The following GPC5 variants were observed in gnomAD, a reference collection of about 807,000 sequenced individuals.
The protein encoded by GPC5 is glypican 5.
Under a neutral mutation model 53.9 loss-of-function variants are expected in GPC5, and 47 were observed. The observed-to-expected ratio is 0.87, with a 90% confidence interval of 0.69 to 1.11. The LOEUF (loss-of-function observed/expected upper bound fraction) is 1.11. GPC5 is among the 50% of genes most tolerant of loss of function. GPC5 has a pLI of 0.00. For synonymous variants in GPC5, 286 were observed against 263.3 expected (o/e 1.09, Z -0.84); for missense variants, 748 against 713.1 (o/e 1.05, Z -0.56).
chr13:91,409,464 A>G (rs955339358), intron 1 of GPC5, among the ~76,000 whole-genome samples: 10 of 152,210 alleles, frequency 6.6e-5, no homozygotes, highest in African/African-American at 2.2e-4. Flanking sequence ...TCTTCCTTTG[A>G]TAAGTTCAGA....
intron 2 of GPC5, among the ~76,000 whole-genome samples, chr13:91,681,823 ATTAG>A (rs1205529977): frequency 1.3e-5 from 2 of 152,172 alleles, no homozygotes; most frequent in Admixed American, 1.3e-4. Flanking sequence ...TATTTATAAT[ATTAG>A]TTAATTTTTG....
chr13:91,712,610 T>C (rs1025981475), intron 3 of GPC5, among the ~76,000 whole-genome samples: 1 of 152,124 alleles, frequency 6.6e-6, no homozygotes, highest in Non-Finnish European at 1.5e-5. Context: ...TCATTCACAT[T>C]GGAAAATCCG....
intron 7 of GPC5, among the ~76,000 whole-genome samples, chr13:92,264,878 C>CTGTGTG (rs71815584): frequency 0.012 from 1,228 of 104,730 alleles, 13 homozygotes; most frequent in South Asian, 0.029. Context: ...CTCTCTCTCT[C>CTGTGTG]TGTGTGTGTG....
intron 7 of GPC5, among the ~76,000 whole-genome samples, chr13:92,791,473 C>T (rs1211303424): frequency 6.6e-6 from 1 of 150,992 alleles, no homozygotes; most frequent in Non-Finnish European, 1.5e-5. Context: ...AAAGGAGGGA[C>T]AATAGTAGTC....
chr13:92,238,658 C>T (rs144980693), intron 7 of GPC5, among the ~76,000 whole-genome samples: 1 of 151,982 alleles, frequency 6.6e-6, no homozygotes, highest in Non-Finnish European at 1.5e-5. Flanking sequence ...GGTTAACTTA[C>T]ACAAGTCCGT....
chr13:92,439,517 A>G (rs1174205911), intron 7 of GPC5, among the ~76,000 whole-genome samples: 1 of 152,176 alleles, frequency 6.6e-6, no homozygotes, highest in Non-Finnish European at 1.5e-5. Context: ...GAGTTGGAGG[A>G]ACATTCCAAA....
At chr13:91,901,425 A>G (rs191355381) in intron 5 of GPC5, among the ~76,000 whole-genome samples, 394 of 152,208 alleles carry the variant, frequency 2.6e-3, no homozygotes, top group African/African-American at 9.2e-3. Context: ...CATGAAAGGT[A>G]GTCCCATAAA....
At chr13:92,139,494 C>T (rs559461164) in intron 6 of GPC5, among the ~76,000 whole-genome samples, 17 of 151,838 alleles carry the variant, frequency 1.1e-4, no homozygotes, top group Admixed American at 4.6e-4. Flanking sequence ...GGTGAAACCC[C>T]GTGTCTACTA....
Position 91,957,649 on chromosome 13 carries a change from G to A in GPC5, c.1401+49592G>A, listed in dbSNP as rs1238287713. 5.9e-5 allele frequency among the ~76,000 whole-genome samples: 9 copies of A among 152,162 alleles called. No homozygotes were observed. The South Asian group carries it at 1.9e-3, about 32-fold the overall frequency. On this transcript the variant is annotated intron_variant, in intron 6 of 7. Coordinates refer to ENST00000377067, the MANE Select transcript of GPC5 (RefSeq NM_004466.6). ...GTCAGGAGAGAATGGGATGATATAT[G>A]CAAAGTGATGAAAGAAAAAACTATC...
intron 7 of GPC5, among the ~76,000 whole-genome samples, chr13:92,488,575 T>A (rs979448549): frequency 9.2e-5 from 14 of 152,340 alleles, no homozygotes; most frequent in African/African-American, 3.4e-4. Flanking sequence ...GGTTAGTTAT[T>A]CCTTGGCTTG....
chr13:91,902,656 C>T (rs1226359854), intron 5 of GPC5, among the ~76,000 whole-genome samples: 3 of 151,974 alleles, frequency 2.0e-5, no homozygotes, highest in African/African-American at 7.2e-5. Flanking sequence ...TTATCCATTA[C>T]TTGTACCTTA....
intron 6 of GPC5, among the ~76,000 whole-genome samples, chr13:91,909,561 C>A (rs1299526157): frequency 1.4e-4 from 22 of 151,916 alleles, no homozygotes; most frequent in Non-Finnish European, 2.9e-4. Context: ...TATATTAGTG[C>A]AATAGCACAT....
chr13:92,120,370 G>T (rs1043468788), intron 6 of GPC5, among the ~76,000 whole-genome samples: 1 of 152,064 alleles, frequency 6.6e-6, no homozygotes, highest in African/African-American at 2.4e-5. Flanking sequence ...TAATCCTCCT[G>T]CTTCAGCCTC....
intron 7 of GPC5, among the ~76,000 whole-genome samples, chr13:92,501,190 C>T (rs1880170380): frequency 6.6e-6 from 1 of 151,894 alleles, no homozygotes; most frequent in African/African-American, 2.4e-5. Flanking sequence ...AACAGTTTAA[C>T]AAGCTATAAT....
Position 92,033,036 on chromosome 13 carries a change from C to CGTGTGTGTGTGTGTGT in GPC5, c.1402-111770_1402-111755dup, listed in dbSNP as rs60958496. On this transcript the variant is annotated intron_variant, in intron 6 of 7. Coordinates refer to ENST00000377067, the MANE Select transcript of GPC5 (RefSeq NM_004466.6). ...TTCTTCTGCCCGGGCTAGTTATTGTCGTGTGTGTGTGTGTGTGTGTGTGTG... is the reference window on the plus strand; with the variant it reads ...TTCTTCTGCCCGGGCTAGTTATTGTCGTGTGTGTGTGTGTGTGTGTGTGTGTGTGTGTGTGTGTGTG... Among the ~76,000 whole-genome samples, 182 of 139,070 alleles carry CGTGTGTGTGTGTGTGT rather than the reference C, an allele frequency of 1.3e-3. 1 individual carries two copies. Among genetic ancestry groups the CGTGTGTGTGTGTGTGT allele is most frequent in the African/African-American group, 3.8e-3 (140 of 36,552 alleles). 91.2% of individuals were successfully genotyped at this position (139,070 alleles called of 152,430 possible).
At chr13:91,770,700 GTGTT>G (rs1282286360) in intron 5 of GPC5, among the ~76,000 whole-genome samples, 2 of 131,026 alleles carry the variant, frequency 1.5e-5, no homozygotes, top group African/African-American at 6.3e-5. Flanking sequence ...GGGAGACTGT[GTGTT>G]TGTGTGTGTG....
rs552001469 is a variant in GPC5 at position 92,263,791 on chromosome 13, G to A, written c.1561+118802G>A. Among the ~76,000 whole-genome samples the A allele has an allele frequency of 7.6e-4, 115 of 152,178 alleles. No individual in the cohort carries two copies. In the South Asian group the frequency reaches 0.011, roughly 14 times the overall value. ...TTCTTGTATTATCGGCCATATCACC[G>A]ATAAAAATCTTTAAAGGTTCAGGCC... On this transcript the variant is annotated intron_variant, in intron 7 of 7. Transcript: ENST00000377067.
chr13:92,781,171 G>A (rs947369331), intron 7 of GPC5, among the ~76,000 whole-genome samples: 2 of 152,032 alleles, frequency 1.3e-5, no homozygotes, highest in Non-Finnish European at 2.9e-5. Context: ...GTTGAATTAT[G>A]TAAACATAAC....
chr13:91,576,907 A>G (rs867909988), intron 2 of GPC5, among the ~76,000 whole-genome samples: 1 of 150,488 alleles, frequency 6.6e-6, no homozygotes, highest in Non-Finnish European at 1.5e-5. Context: ...ATTGCTTACA[A>G]TATTTAGCTT....
Sources: allele counts gnomAD v4.1 joint callset (sites outside exome capture counted in the v4.1 genomes callset), GRCh38; gene constraint gnomAD v4.1.1; transcripts MANE v1.5; gene names NCBI Gene and HGNC (gene_info 2026-07-23, HGNC 2026-07-21).